FAT3: variants seen among roughly 807,000 people sequenced by gnomAD.
The protein encoded by FAT3 is protocadherin Fat 3.
A neutral mutation model predicts 310.2 loss-of-function variants in FAT3; 95 were observed. The ratio of observed to expected loss-of-function variants is 0.31; its 90% CI spans 0.26 to 0.36. The LOEUF (loss-of-function observed/expected upper bound fraction) is 0.36. Among genes scored for constraint, FAT3 ranks in the 10% least tolerant of loss-of-function variants. The pLI is 1.00. For synonymous variants in FAT3, 2,314 were observed against 2,192.9 expected (o/e 1.06, Z -1.54); for missense variants, 5,408 against 5,715.6 (o/e 0.95, Z 1.74).
intron 2 of FAT3, among the ~76,000 whole-genome samples, chr11:92,384,246 A>G (rs746163765): frequency 3.3e-5 from 5 of 152,130 alleles, no homozygotes; most frequent in Admixed American, 6.6e-5. Context: ...ACTTCATACC[A>G]TCTCATTTTG....
chr11:92,721,873 G>C (rs781767307), intron 4 of FAT3, among the ~76,000 whole-genome samples: 1 of 152,030 alleles, frequency 6.6e-6, no homozygotes, highest in Non-Finnish European at 1.5e-5. Context: ...AAAACAATCA[G>C]ATCCCATGAA....
At chr11:92,333,601 A>G (rs10830896) in intron 1 of FAT3, among the ~76,000 whole-genome samples, 11,357 of 152,266 alleles carry the variant, frequency 0.075, 596 homozygotes, top group African/African-American at 0.14. Context: ...CTGTAACATA[A>G]TCAGAATTCT....
At chr11:92,379,085 C>T (rs1347228859) in intron 2 of FAT3, among the ~76,000 whole-genome samples, 4 of 152,102 alleles carry the variant, frequency 2.6e-5, no homozygotes, top group African/African-American at 9.7e-5. Context: ...ATACCCCCTG[C>T]CACTCCTCTC....
At chr11:92,381,061 G>A (rs1949483132) in intron 2 of FAT3, among the ~76,000 whole-genome samples, 1 of 152,058 alleles carries the variant, frequency 6.6e-6, no homozygotes, top group Admixed American at 6.5e-5. Flanking sequence ...TGACCAGTCT[G>A]TTTCCTCTCT....
At chr11:92,865,028 A>AG (rs1429797730) in intron 21 of FAT3, among the ~76,000 whole-genome samples, 1 of 152,192 alleles carries the variant, frequency 6.6e-6, no homozygotes, top group Non-Finnish European at 1.5e-5. Context: ...CCAAACCCAG[A>AG]GGGGCCAGAC....
At chr11:92,827,453 T>G (rs1208036063) in intron 13 of FAT3, among the ~76,000 whole-genome samples, 1 of 152,226 alleles carries the variant, frequency 6.6e-6, no homozygotes, top group African/African-American at 2.4e-5. Flanking sequence ...TCTGCCACTC[T>G]AGAAATGCAG....
intron 2 of FAT3, among the ~76,000 whole-genome samples, chr11:92,486,130 G>GTTTTTTTTTTTTTTTTTTTTTTTTTT (rs71064714): frequency 1.3e-4 from 5 of 37,142 alleles, no homozygotes; most frequent in African/African-American, 3.5e-4. Flanking sequence ...GGCTGCTGGG[G>GTTTTTTTTTTTTTTTTTTTTTTTTTT]TTTTTTTTTT....
At chr11:92,607,753 A>G (rs1335311870) in intron 3 of FAT3, among the ~76,000 whole-genome samples, 1 of 152,190 alleles carries the variant, frequency 6.6e-6, no homozygotes, top group Non-Finnish European at 1.5e-5. Flanking sequence ...GAGTCACATT[A>G]TTTAGTCATA....
chr11:92,274,771 GGAAAA>G (rs1946220003), intron 1 of FAT3, among the ~76,000 whole-genome samples: 1 of 151,904 alleles, frequency 6.6e-6, no homozygotes, highest in Admixed American at 6.6e-5. Context: ...TTTTTAAAGT[GGAAAA>G]GAAAATAGAA....
intron 2 of FAT3, among the ~76,000 whole-genome samples, chr11:92,497,170 G>A (rs745696609): frequency 3.9e-5 from 6 of 151,930 alleles, no homozygotes; most frequent in Non-Finnish European, 8.8e-5. Flanking sequence ...ACCTAATTTA[G>A]TGCCCAGCTA....
chr11:92,380,484 C>T (rs1245105508), intron 2 of FAT3, among the ~76,000 whole-genome samples: 1 of 152,194 alleles, frequency 6.6e-6, no homozygotes, highest in Admixed American at 6.5e-5. Context: ...ACCATGTTGA[C>T]TGTGCTCCAT....
At chr11:92,701,880 T>G (rs1319966365) in intron 4 of FAT3, among the ~76,000 whole-genome samples, 1 of 152,204 alleles carries the variant, frequency 6.6e-6, no homozygotes, top group Admixed American at 6.5e-5. Flanking sequence ...TTTGTTGTTT[T>G]GGGTGGGTGT....
chr11:92,408,821 G>A lies in FAT3; in HGVS notation c.3292+53417G>A, dbSNP rs1950192736. Among the ~76,000 whole-genome samples, 3 of 152,198 alleles carry A rather than the reference G, an allele frequency of 2.0e-5. No homozygotes were observed. In the South Asian group the frequency reaches 6.2e-4, roughly 32 times the overall value. ...GAACTCCTATGGAAATTACGGCATA[G>A]CGATGCAAAGGAAGGCATTTTTAAT... On this transcript the variant is annotated intron_variant, in intron 2 of 27. Transcript: ENST00000525166.
At chr11:92,408,608 C>T (rs1219287518) in intron 2 of FAT3, among the ~76,000 whole-genome samples, 2 of 152,182 alleles carry the variant, frequency 1.3e-5, no homozygotes, top group African/African-American at 4.8e-5. Context: ...GGATTTTGTC[C>T]TTCTTTGCCT....
intron 1 of FAT3, among the ~76,000 whole-genome samples, chr11:92,259,918 T>G (rs1865472897): frequency 6.6e-6 from 1 of 152,100 alleles, no homozygotes; most frequent in Non-Finnish European, 1.5e-5. Context: ...GCAGAAGATG[T>G]GGCTGGGGTG....
At position 92,806,372 on chromosome 11, in the gene FAT3, C is replaced by T; in HGVS notation, c.9104C>T (p.Thr3035Ile). 6.3e-7 allele frequency: 1 copy of T among 1,599,454 alleles called. No individual in the cohort carries two copies. The highest frequency in any genetic ancestry group is 8.5e-7 in the Non-Finnish European group (1 of 1,172,254). Residue 3035 changes from threonine to isoleucine, a missense_variant, in exon 12 of 28, where the codon ACA (threonine) becomes ATA (isoleucine). Transcript: ENST00000525166. Reference protein sequence around the residue: ...NSPVCDQVAYTALLPEDIPSN... With the variant: ...NSPVCDQVAYIALLPEDIPSN... The stretch of plus-strand genomic sequence containing the variant: ...TTCACCTTTGTCCAGGTTGCATATA[C>T]AGCATTACTTCCTGAAGACATTCCA...
chr11:92,543,110 G>A (rs1758361009), intron 3 of FAT3, among the ~76,000 whole-genome samples: 1 of 152,052 alleles, frequency 6.6e-6, no homozygotes. Flanking sequence ...CACTCACATG[G>A]TGAATCTAAA....
intron 1 of FAT3, among the ~76,000 whole-genome samples, chr11:92,255,899 A>G (rs1865297875): frequency 6.6e-6 from 1 of 152,126 alleles, no homozygotes; most frequent in Non-Finnish European, 1.5e-5. Context: ...AGATGTCAGG[A>G]GTGGCTGAAA....
At chr11:92,503,730 C>T (rs1953015529) in intron 2 of FAT3, among the ~76,000 whole-genome samples, 1 of 152,028 alleles carries the variant, frequency 6.6e-6, no homozygotes, top group Non-Finnish European at 1.5e-5. Context: ...AAAAAATACA[C>T]ATGTCTGGTC....
Sources: allele counts gnomAD v4.1 joint callset (sites outside exome capture counted in the v4.1 genomes callset), GRCh38; gene constraint gnomAD v4.1.1; transcripts MANE v1.5; gene names NCBI Gene and HGNC (gene_info 2026-07-23, HGNC 2026-07-21).